ARSB: variants seen among roughly 807,000 people sequenced by gnomAD.
ARSB encodes arylsulfatase B.
In ARSB, 41 loss-of-function variants were observed where a neutral mutation model predicts 50.9. The ratio of observed to expected loss-of-function variants is 0.81; its 90% CI spans 0.63 to 1.04. The LOEUF is 1.04. Ranked by LOEUF, ARSB falls within the 50% of genes least tolerant of loss-of-function variation. ARSB has a pLI of 0.00. For missense variants in ARSB, 672 were observed against 693.3 expected (o/e 0.97, Z 0.35); for synonymous variants, 269 against 284.8 (o/e 0.94, Z 0.56).
intron 3 of ARSB, among the ~76,000 whole-genome samples, chr5:78,962,421 G>A (rs1561529112): frequency 1.3e-5 from 2 of 152,024 alleles, no homozygotes; most frequent in Non-Finnish European, 2.9e-5. Flanking sequence ...TCCACAGAAA[G>A]CATGGTTGCT....
At chr5:78,982,988 A>G (rs980771931) in intron 1 of ARSB, among the ~76,000 whole-genome samples, 12 of 152,212 alleles carry the variant, frequency 7.9e-5, no homozygotes, top group African/African-American at 2.7e-4. Context: ...TCTCCAAGAC[A>G]TAATTTTGGT....
At chr5:78,846,783 T>C (rs1745464461) in intron 5 of ARSB, among the ~76,000 whole-genome samples, 1 of 152,232 alleles carries the variant, frequency 6.6e-6, no homozygotes. Flanking sequence ...CTTCCATTAC[T>C]CTGTTGAACA....
intron 3 of ARSB, among the ~76,000 whole-genome samples, chr5:78,957,525 C>A (rs1465066534): frequency 6.6e-6 from 1 of 152,166 alleles, no homozygotes; most frequent in Non-Finnish European, 1.5e-5. Flanking sequence ...AAGGACGCAG[C>A]TGATGGAGTG....
intron 6 of ARSB, among the ~76,000 whole-genome samples, chr5:78,797,093 T>C (rs950054745): frequency 1.3e-5 from 2 of 152,188 alleles, no homozygotes; most frequent in African/African-American, 4.8e-5. Context: ...TTAGCCGGGA[T>C]GGTCTCGATC....
intron 1 of ARSB, among the ~76,000 whole-genome samples, chr5:78,970,573 G>A (rs1752410969): frequency 6.6e-6 from 1 of 152,162 alleles, no homozygotes; most frequent in African/African-American, 2.4e-5. Context: ...ATACTCTAAT[G>A]TCCAACAGTG....
intron 4 of ARSB, among the ~76,000 whole-genome samples, chr5:78,928,195 A>G (rs764744647): frequency 4.6e-5 from 7 of 151,978 alleles, no homozygotes; most frequent in Non-Finnish European, 1.0e-4. Flanking sequence ...CCCCATGGCC[A>G]CATGCTAGAC....
At chr5:78,821,048 A>G (rs1744200028) in intron 6 of ARSB, among the ~76,000 whole-genome samples, 1 of 152,166 alleles carries the variant, frequency 6.6e-6, no homozygotes, top group Non-Finnish European at 1.5e-5. Flanking sequence ...GCACATCTAA[A>G]GTGGTCTATA....
intron 5 of ARSB, among the ~76,000 whole-genome samples, chr5:78,863,087 C>A (rs3098693): frequency 0.26 from 39,430 of 151,910 alleles, 6,777 homozygotes; most frequent in African/African-American, 0.49. Flanking sequence ...GAATGGCGAT[C>A]ATTAAAAAGT....
intron 4 of ARSB, among the ~76,000 whole-genome samples, chr5:78,916,666 T>C (rs4521454): frequency 0.12 from 18,813 of 152,268 alleles, 1,444 homozygotes; most frequent in Middle Eastern, 0.19. Flanking sequence ...TCCTATTAAG[T>C]TGTATCATTT....
At chr5:78,938,128 C>T (rs1750724132) in intron 4 of ARSB, among the ~76,000 whole-genome samples, 2 of 152,200 alleles carry the variant, frequency 1.3e-5, no homozygotes, top group South Asian at 4.1e-4. Context: ...CAAAGGGCAA[C>T]ACATCCCTGA....
chr5:78,977,939 A>C (rs1469033588), intron 1 of ARSB, among the ~76,000 whole-genome samples: 6 of 152,264 alleles, frequency 3.9e-5, no homozygotes, highest in Non-Finnish European at 8.8e-5. Flanking sequence ...TTAAGAAAGG[A>C]AGTCCATTTA....
intron 4 of ARSB, among the ~76,000 whole-genome samples, chr5:78,893,542 C>T (rs560237061): frequency 6.6e-6 from 1 of 152,314 alleles, no homozygotes; most frequent in Non-Finnish European, 1.5e-5. Flanking sequence ...GAAAAGACTC[C>T]AAAGTCTGTT....
At chr5:78,786,164 CCCTCCAG>C (rs944375992) in intron 6 of ARSB, among the ~76,000 whole-genome samples, 14 of 152,300 alleles carry the variant, frequency 9.2e-5, no homozygotes, top group African/African-American at 3.4e-4. Context: ...TACTCCCACA[CCCTCCAG>C]CCCTAGGCAA....
Position 78,778,473 on chromosome 5 carries a change from T to G in ARSB, c.*1924A>C, listed in dbSNP as rs1397282946. 4 of 152,228 alleles carry G rather than the reference T, an allele frequency of 2.6e-5. No individual in the cohort carries two copies. The highest frequency in any genetic ancestry group is 9.6e-5 in the African/African-American group (4 of 41,460). 9.4% of individuals were successfully genotyped at this position (152,228 alleles called of 1,614,324 possible). A position where few individuals can be genotyped will look rare whatever the true frequency, so the allele number is the denominator to read the frequency against. ...TCCCATAAAGTATAGAAATGGAAAT[T>G]GCTGACAAGAGAGTACCTTTGGTAG... On this transcript the variant is annotated 3_prime_UTR_variant, in exon 8 of 8. Transcript: ENST00000264914.
intron 5 of ARSB, among the ~76,000 whole-genome samples, chr5:78,872,939 T>G (rs539610340): frequency 2.2e-4 from 33 of 151,970 alleles, no homozygotes; most frequent in African/African-American, 8.0e-4. Flanking sequence ...CTCCTACGGA[T>G]TGCCTGCTAT....
At chr5:78,876,179 G>A (rs3114491) in intron 5 of ARSB, among the ~76,000 whole-genome samples, 136,086 of 151,868 alleles carry the variant, frequency 0.9, 62,348 homozygotes, top group East Asian at 1. Flanking sequence ...ATAAAATTTC[G>A]CAACATGTGA....
intron 5 of ARSB, chr5:78,882,775 A>ATTTTTTTTTTTT: frequency 1.3e-5 from 1 of 75,732 alleles, no homozygotes; most frequent in Non-Finnish European, 2.4e-5. Context: ...GATTTGAGTG[A>ATTTTTTTTTTTT]TTTTTTTTTT....
chr5:78,801,386 A>C (rs909032952), intron 6 of ARSB, among the ~76,000 whole-genome samples: 1 of 152,222 alleles, frequency 6.6e-6, no homozygotes, highest in African/African-American at 2.4e-5. Context: ...TGGTCAAGTA[A>C]GTCTAGACGA....
chr5:78,848,189 G>A (rs1445330237), intron 5 of ARSB, among the ~76,000 whole-genome samples: 1 of 149,552 alleles, frequency 6.7e-6, no homozygotes, highest in Non-Finnish European at 1.5e-5. Flanking sequence ...TTTAGCATTA[G>A]GTATATCTCC....
Sources: allele counts gnomAD v4.1 joint callset (sites outside exome capture counted in the v4.1 genomes callset), GRCh38; gene constraint gnomAD v4.1.1; transcripts MANE v1.5; gene names NCBI Gene and HGNC (gene_info 2026-07-23, HGNC 2026-07-21).